The following RBFOX1 variants were observed in gnomAD, a reference collection of about 807,000 sequenced individuals.
The protein encoded by RBFOX1 is RNA binding protein fox-1 homolog 1.
Under a neutral mutation model 57.7 loss-of-function variants are expected in RBFOX1, and 8 were observed. The observed-to-expected ratio is 0.14, with a 90% CI of 0.08 to 0.25. The LOEUF (loss-of-function observed/expected upper bound fraction) is 0.25. Ranked by LOEUF, RBFOX1 falls within the 10% of genes least tolerant of loss-of-function variation. The pLI, the probability that RBFOX1 is intolerant of heterozygous loss-of-function variation, is 1.00. For missense variants in RBFOX1, 611 were observed against 548.5 expected, an observed-to-expected ratio of 1.11 and a Z score of -1.14; for synonymous variants, 326 against 222.4, an observed-to-expected ratio of 1.47 and a Z score of -4.15.
chr16:5,767,313 C>T (rs17138586), intron 3 of RBFOX1, among the ~76,000 whole-genome samples: 4 of 152,028 alleles, frequency 2.6e-5, no homozygotes, highest in Admixed American at 1.3e-4. Flanking sequence ...AGGAAGGAAA[C>T]GTTTCTCTTG....
intron 4 of RBFOX1, among the ~76,000 whole-genome samples, chr16:7,315,851 G>T (rs2096426586): frequency 6.6e-6 from 1 of 152,144 alleles, no homozygotes; most frequent in African/African-American, 2.4e-5. Context: ...GCACAAGACA[G>T]CAGTCAACAT....
chr16:6,258,698 T>C (rs1033558755), intron 1 of RBFOX1, among the ~76,000 whole-genome samples: 1 of 152,182 alleles, frequency 6.6e-6, no homozygotes, highest in African/African-American at 2.4e-5. Flanking sequence ...GTTTATAGTA[T>C]CAACAGGGGG....
chr16:5,928,214 C>A (rs773926140), intron 4 of RBFOX1, among the ~76,000 whole-genome samples: 2 of 151,952 alleles, frequency 1.3e-5, no homozygotes, highest in African/African-American at 4.8e-5. Flanking sequence ...CTGCCTCAGC[C>A]TCCTGAGTAG....
At chr16:7,286,408 T>C (rs1417965274) in intron 4 of RBFOX1, among the ~76,000 whole-genome samples, 1 of 151,750 alleles carries the variant, frequency 6.6e-6, no homozygotes, top group Non-Finnish European at 1.5e-5. Flanking sequence ...CTCAAAAGTG[T>C]CAGAGTGGGA....
At chr16:5,858,260 C>T (rs1488956859) in intron 3 of RBFOX1, among the ~76,000 whole-genome samples, 1 of 152,194 alleles carries the variant, frequency 6.6e-6, no homozygotes, top group African/African-American at 2.4e-5. Context: ...AGAGCCTCAG[C>T]ACCCACTTCT....
At chr16:7,698,509 T>G (rs1416236974) in intron 14 of RBFOX1, among the ~76,000 whole-genome samples, 2 of 151,818 alleles carry the variant, frequency 1.3e-5, no homozygotes, top group Non-Finnish European at 2.9e-5. Flanking sequence ...CGCCTTTCAT[T>G]TTTCTATCCC....
At chr16:5,799,149 A>G (rs2054976628) in intron 3 of RBFOX1, among the ~76,000 whole-genome samples, 1 of 152,154 alleles carries the variant, frequency 6.6e-6, no homozygotes. Flanking sequence ...ATGGCAGCAG[A>G]CAAGAGATAA....
intron 4 of RBFOX1, among the ~76,000 whole-genome samples, chr16:7,311,116 A>C (rs1810946269): frequency 6.6e-6 from 1 of 152,170 alleles, no homozygotes; most frequent in South Asian, 2.1e-4. Context: ...ACTAGTGCAC[A>C]ATAAAGGAAA....
rs975636912 is a variant in RBFOX1, at chr16:6,956,751, T to C, written c.-15-95306T>C. ...AATATCATCTTCGATGGTCTTGTGG[T>C]TTGACCAGGCACAGATGGGTAGATA... On this transcript the variant is annotated intron_variant, in intron 3 of 15. Coordinates refer to ENST00000550418, the MANE Select transcript of RBFOX1 (RefSeq NM_018723.4). Among the ~76,000 whole-genome samples, 25 of 152,240 alleles carry C rather than the reference T, an allele frequency of 1.6e-4. 1 individual carries two copies. The highest frequency in any genetic ancestry group is 1.4e-3 in the Admixed American group (21 of 15,282).
intron 3 of RBFOX1, among the ~76,000 whole-genome samples, chr16:5,650,548 G>T (rs961359639): frequency 6.6e-6 from 1 of 152,188 alleles, no homozygotes; most frequent in African/African-American, 2.4e-5. Context: ...TTTGGGGAAG[G>T]CTTTTAAGTG....
At chr16:6,971,210 A>G (rs1480868173) in intron 3 of RBFOX1, among the ~76,000 whole-genome samples, 2 of 152,188 alleles carry the variant, frequency 1.3e-5, no homozygotes, top group Non-Finnish European at 2.9e-5. Flanking sequence ...TAAAATATAG[A>G]AAGAGGTGTG....
intron 1 of RBFOX1, among the ~76,000 whole-genome samples, chr16:5,391,742 C>T (rs958248095): frequency 6.6e-6 from 1 of 151,922 alleles, no homozygotes; most frequent in African/African-American, 2.4e-5. Flanking sequence ...TGTCTGTTTT[C>T]ATATCTAGAT....
chr16:7,687,875 G>C (rs985641149), intron 14 of RBFOX1, among the ~76,000 whole-genome samples: 1 of 151,970 alleles, frequency 6.6e-6, no homozygotes, highest in Non-Finnish European at 1.5e-5. Flanking sequence ...TGAGTTCTCC[G>C]TGCTGGCTGA....
intron 4 of RBFOX1, among the ~76,000 whole-genome samples, chr16:7,477,218 T>C (rs960020700): frequency 6.6e-5 from 10 of 152,206 alleles, no homozygotes; most frequent in African/African-American, 2.4e-4. Context: ...TCTTGGGTTG[T>C]TCAGGGTAGA....
intron 1 of RBFOX1, among the ~76,000 whole-genome samples, chr16:5,387,008 G>A (rs2066277227): frequency 6.6e-6 from 1 of 152,210 alleles, no homozygotes; most frequent in East Asian, 1.9e-4. Flanking sequence ...CCGAGATTGT[G>A]CCATTGCACT....
At chr16:5,455,072 C>A (rs1234046565) in intron 1 of RBFOX1, among the ~76,000 whole-genome samples, 1 of 143,992 alleles carries the variant, frequency 6.9e-6, no homozygotes, top group South Asian at 2.2e-4. Context: ...TCTTTCTCTC[C>A]CTATGTCTCT....
chr16:6,371,180 G>T (rs2090385524), intron 2 of RBFOX1, among the ~76,000 whole-genome samples: 1 of 152,118 alleles, frequency 6.6e-6, no homozygotes, highest in Non-Finnish European at 1.5e-5. Context: ...TACATAGTTT[G>T]GGGGTGGGAG....
chr16:5,472,474 G>A (rs940973798), intron 2 of RBFOX1, among the ~76,000 whole-genome samples: 6 of 152,176 alleles, frequency 3.9e-5, no homozygotes, highest in Admixed American at 3.9e-4. Flanking sequence ...CACAGACAGG[G>A]CAAGGATTAA....
intron 3 of RBFOX1, among the ~76,000 whole-genome samples, chr16:6,868,762 C>G (rs1161717657): frequency 6.6e-6 from 1 of 152,176 alleles, no homozygotes; most frequent in Admixed American, 6.5e-5. Context: ...TGAGCCATTG[C>G]ACCCGGCCAG....
Sources: allele counts gnomAD v4.1 joint callset (sites outside exome capture counted in the v4.1 genomes callset), GRCh38; gene constraint gnomAD v4.1.1; transcripts MANE v1.5; gene names NCBI Gene and HGNC (gene_info 2026-07-23, HGNC 2026-07-21).